The following MTREX variants were observed in gnomAD, a reference collection of about 807,000 sequenced individuals.
The protein encoded by MTREX is Mtr4 exosome RNA helicase, also known as exosome RNA helicase MTR4.
MTREX carries 76 observed loss-of-function variants against 135.4 expected under a neutral mutation model. That is an observed-to-expected ratio of 0.56 (90% CI 0.47 to 0.68). MTREX has a LOEUF of 0.68. Among genes scored for constraint, MTREX ranks in the 30% least tolerant of loss-of-function variants. The pLI is 0.00. For synonymous variants in MTREX, 404 were observed against 401.6 expected, an observed-to-expected ratio of 1.01 and a Z score of -0.07; for missense variants, 920 against 1,262.1, an observed-to-expected ratio of 0.73 and a Z score of 4.11.
At chr5:55,380,786 T>C (rs749551149) in intron 18 of MTREX, among the ~76,000 whole-genome samples, 44 of 152,174 alleles carry the variant, frequency 2.9e-4, no homozygotes, top group Non-Finnish European at 4.3e-4. Context: ...ACATCTTTGT[T>C]TGGGTTTGGT....
At chr5:55,363,555 G>A (rs1750049720) in intron 15 of MTREX, among the ~76,000 whole-genome samples, 1 of 151,976 alleles carries the variant, frequency 6.6e-6, no homozygotes, top group African/African-American at 2.4e-5. Flanking sequence ...CCTCTTATTA[G>A]GCTGTCTCTT....
chr5:55,343,916 C>T (rs905964944), intron 8 of MTREX, among the ~76,000 whole-genome samples: 45 of 152,120 alleles, frequency 3.0e-4, no homozygotes, highest in East Asian at 1.3e-3. Context: ...CTGACTTTAG[C>T]GTCTGTATAT....
intron 19 of MTREX, among the ~76,000 whole-genome samples, chr5:55,390,887 A>G (rs562612864): frequency 7.2e-5 from 11 of 152,330 alleles, no homozygotes; most frequent in African/African-American, 2.2e-4. Context: ...AAGATGTTCT[A>G]TGGAAATCAG....
chr5:55,377,988 C>T (rs1459184282), intron 16 of MTREX, among the ~76,000 whole-genome samples: 3 of 146,562 alleles, frequency 2.0e-5, no homozygotes, highest in African/African-American at 5.2e-5. Flanking sequence ...AAATGCTATA[C>T]GGAAAGGTGC....
At chr5:55,403,186 G>A (rs1750751035) in intron 21 of MTREX, among the ~76,000 whole-genome samples, 1 of 151,888 alleles carries the variant, frequency 6.6e-6, no homozygotes, top group South Asian at 2.1e-4. Context: ...GGGTGACAGA[G>A]TGAGACCCTA....
intron 16 of MTREX, among the ~76,000 whole-genome samples, chr5:55,373,540 G>A (rs1015153842): frequency 1.3e-5 from 2 of 151,738 alleles, no homozygotes; most frequent in African/African-American, 4.8e-5. Flanking sequence ...TTTAGACTTT[G>A]TCTTATATTT....
At chr5:55,345,220 A>G in intron 10 of MTREX, 24 bp downstream of exon 10, 1 of 1,410,352 alleles carries the variant, frequency 7.1e-7, no homozygotes, top group Non-Finnish European at 1.0e-6. Context: ...TTGCTTTGAG[A>G]GAATTTTACA....
rs1376726237 is a variant in MTREX, at chr5:55,349,662, C to G, written c.1320+10C>G. The G allele has an allele frequency of 7.1e-7, 1 of 1,411,616 alleles. No individual in the cohort carries two copies. Among genetic ancestry groups the G allele is most frequent in the African/African-American group, 1.4e-5 (1 of 70,754 alleles). 87.4% of individuals were successfully genotyped at this position (1,411,616 alleles called of 1,614,324 possible). On this transcript the variant is annotated intron_variant, in intron 12 of 26. Coordinates refer to ENST00000230640, the MANE Select transcript of MTREX (RefSeq NM_015360.5). The stretch of plus-strand genomic sequence containing the variant: ...TAAAAAACTCCCTCAGGTGAGTTTT[C>G]AGTATCAGTAGATAAAAGTGTAGAT...
At chr5:55,402,439 A>C (rs1750736286) in intron 21 of MTREX, among the ~76,000 whole-genome samples, 1 of 152,172 alleles carries the variant, frequency 6.6e-6, no homozygotes, top group African/African-American at 2.4e-5. Flanking sequence ...GGTAGACTTG[A>C]GCGTGATTGA....
intron 15 of MTREX, among the ~76,000 whole-genome samples, 177 bp downstream of exon 15, chr5:55,358,875 C>T (rs1471739058): frequency 6.6e-6 from 1 of 152,180 alleles, no homozygotes; most frequent in African/African-American, 2.4e-5. Context: ...ATCTTGTATC[C>T]TACTTCACCT....
At chr5:55,353,304 T>G in intron 14 of MTREX, 35 bp downstream of exon 14, 3 of 1,427,818 alleles carry the variant, frequency 2.1e-6, no homozygotes, top group Non-Finnish European at 2.9e-6. Context: ...AAATAATTTT[T>G]GTCTTTGTTA....
intron 12 of MTREX, among the ~76,000 whole-genome samples, chr5:55,350,467 T>A (rs1749808166): frequency 6.6e-6 from 1 of 152,254 alleles, no homozygotes; most frequent in African/African-American, 2.4e-5. Flanking sequence ...AGTAAGTATT[T>A]AATGGCGTTT....
intron 1 of MTREX, among the ~76,000 whole-genome samples, chr5:55,314,662 A>G (rs1459143067): frequency 2.6e-5 from 4 of 152,188 alleles, no homozygotes; most frequent in African/African-American, 4.8e-5. Context: ...TAAGACCTAT[A>G]TTGCACTTCT....
At chr5:55,378,594 A>G (rs969224921) in intron 17 of MTREX, 108 bp downstream of exon 17, 14 of 1,218,662 alleles carry the variant, frequency 1.1e-5, no homozygotes, top group Middle Eastern at 2.9e-4. Flanking sequence ...TCCTGCTACA[A>G]TAGTTGATCT....
chr5:55,327,389 G>T, intron 3 of MTREX: 1 of 196,274 alleles, frequency 5.1e-6, no homozygotes, highest in African/African-American at 2.3e-5. Flanking sequence ...TCTGTTCTAT[G>T]TTGTTTTCTA....
rs189136020 is a variant in MTREX, at chr5:55,356,393, G to T, written c.1534-2180G>T. On this transcript the variant is annotated intron_variant, in intron 14 of 26. Transcript: ENST00000230640. Reference sequence around the variant, plus strand: ...GACTCAGCTTGGAGCCTGTCAAGTGGCTTTAACACGTGGACTGGGCATATT... The same window carrying T: ...GACTCAGCTTGGAGCCTGTCAAGTGTCTTTAACACGTGGACTGGGCATATT... 4.8e-4 allele frequency: 89 copies of T among 187,360 alleles called. No homozygotes were observed. In the East Asian group the frequency reaches 8.6e-3, roughly 18 times the overall value. The allele number at this position is 187,360 out of a possible 1,614,324, so 11.6% of individuals were successfully genotyped here. A position where few individuals can be genotyped will look rare whatever the true frequency, so the allele number is the denominator to read the frequency against.
intron 5 of MTREX, among the ~76,000 whole-genome samples, chr5:55,330,497 A>G (rs977463725): frequency 1.3e-5 from 2 of 151,080 alleles, no homozygotes; most frequent in African/African-American, 4.8e-5. Context: ...GTTTATAGAA[A>G]TCCTAACTGC....
chr5:55,421,236 G>A (rs1374324454), intron 25 of MTREX, among the ~76,000 whole-genome samples: 1 of 152,214 alleles, frequency 6.6e-6, no homozygotes, highest in African/African-American at 2.4e-5. Flanking sequence ...GAGAACTGTA[G>A]TAGGTAGGAG....
chr5:55,396,592 G>A (rs1750650621), intron 19 of MTREX, among the ~76,000 whole-genome samples: 1 of 152,174 alleles, frequency 6.6e-6, no homozygotes, highest in African/African-American at 2.4e-5. Flanking sequence ...TTTTTGGCAA[G>A]TTTGGCAAAT....
Sources: gnomAD v4.1 joint callset for allele counts (sites outside exome capture counted in the v4.1 genomes callset) on GRCh38, gnomAD v4.1.1 for gene constraint, MANE v1.5 for transcripts, NCBI Gene and HGNC (gene_info 2026-07-23, HGNC 2026-07-21) for gene names.